CCAR2: variants seen among roughly 807,000 people sequenced by gnomAD.
CCAR2 encodes cell cycle and apoptosis regulator 2.
Under a neutral mutation model 108.1 loss-of-function variants are expected in CCAR2, and 21 were observed. The observed-to-expected ratio is 0.19, with a 90% CI of 0.14 to 0.28. CCAR2 has a LOEUF of 0.28. Ranked by LOEUF, CCAR2 falls within the 10% of genes least tolerant of loss-of-function variation. CCAR2 has a pLI of 1.00. For synonymous variants in CCAR2, 577 were observed against 472.8 expected (o/e 1.22, Z -2.86); for missense variants, 1,126 against 1,177.0 (o/e 0.96, Z 0.63).
At chr8:22,606,583 T>C (rs1801088929) in intron 3 of CCAR2, 24 bp from the exon 4 acceptor site, 1 of 1,598,022 alleles carries the variant, frequency 6.3e-7, no homozygotes, top group Non-Finnish European at 8.6e-7. Flanking sequence ...CCTTTTACTT[T>C]TCAGCTGTCT....
intron 7 of CCAR2, among the ~76,000 whole-genome samples, chr8:22,611,460 GTA>G (rs570854520): frequency 4.0e-4 from 60 of 150,418 alleles, no homozygotes; most frequent in East Asian, 1.6e-3. Context: ...ATGTGTGTGT[GTA>G]TATATATATG....
intron 7 of CCAR2, among the ~76,000 whole-genome samples, chr8:22,612,252 AC>A (rs1801314347): frequency 7.3e-6 from 1 of 137,296 alleles, no homozygotes; most frequent in Non-Finnish European, 1.6e-5. Context: ...CAGCCTTGTA[AC>A]CGTCTCTTCT....
In CCAR2 at chr8:22,608,451, C is replaced by G. The variant is rs577418523; in HGVS notation, c.584+386C>G. On this transcript the variant is annotated intron_variant, in intron 7 of 20. Coordinates refer to ENST00000308511, the MANE Select transcript of CCAR2 (RefSeq NM_001393997.1). The stretch of plus-strand genomic sequence containing the variant: ...CAACTAGAACACTGCAGTATCTGTT[C>G]TCGTTGTTTAAAACGTTTCTTTATA... Among the ~76,000 whole-genome samples, 7 of 152,328 alleles carry G rather than the reference C, an allele frequency of 4.6e-5. No homozygotes were observed. In the East Asian group the frequency reaches 1.3e-3, roughly 29 times the overall value.
Position 22,606,681 on chromosome 8 carries a change from G to A in CCAR2, c.225G>A (p.Glu75=), listed in dbSNP as rs1801092675. Residue 75 remains glutamate (E), a synonymous_variant, in exon 4 of 21, where the codon GAG becomes GAA. Transcript: ENST00000308511. The part of the protein sequence containing the change: ...LHDYFGVVDE[E]VFFQLSVVKG... ...ACTACTTTGGGGTTGTGGATGAAGA[G>A]GTCTTTTTTCAGCTAAGGTAGGCTT... is the stretch of plus-strand genomic sequence containing the variant. The A allele has an allele frequency of 6.2e-7, 1 of 1,614,088 alleles. No individual in the cohort carries two copies. Among genetic ancestry groups the A allele is most frequent in the East Asian group, 2.2e-5 (1 of 44,892 alleles).
At chr8:22,617,172 A>G (rs1184867306) in intron 14 of CCAR2, among the ~76,000 whole-genome samples, 2 of 151,906 alleles carry the variant, frequency 1.3e-5, no homozygotes, top group Non-Finnish European at 2.9e-5. Context: ...AATACTATCA[A>G]TCAAATGAAT....
chr8:22,617,766 A>G lies in CCAR2; in HGVS notation c.2061A>G (p.Ser687=). 1 of 1,613,520 alleles carries G rather than the reference A, an allele frequency of 6.2e-7. No homozygotes were observed. Among genetic ancestry groups the G allele is most frequent in the Non-Finnish European group, 8.5e-7 (1 of 1,179,956 alleles). ...ASNQSEMEFS[S]LQDMPKELDP... ...ACCAGTCAGAGATGGAGTTCTCTTC[A>G]CTTCAGGACATGGTGAGGCCTCTTC... is the stretch of plus-strand genomic sequence containing the variant. The change falls in exon 16 of 21, where the codon TCA becomes TCG. Residue 687 remains serine (S), a synonymous_variant. Coordinates refer to ENST00000308511, the MANE Select transcript of CCAR2 (RefSeq NM_001393997.1).
In CCAR2 at chr8:22,617,492, T is replaced by C. The variant is rs201376215; in HGVS notation, c.1918T>C (p.Ser640Pro). ...AGAAGAAAAACCCCGGGGCGAGGCT[T>C]CTGAGGACCTGTGTGAGATGGCCCT... ...EEEEKPRGEASEDLCEMALDP... is the reference protein window; with the variant it reads ...EEEEKPRGEAPEDLCEMALDP... The change falls in exon 15 of 21, where the codon TCT becomes CCT. Residue 640 changes from serine to proline, a missense_variant. This residue lies in a region of CCAR2 where 1,013 missense variants were observed against 993.9 expected (regional missense o/e 1.02). Transcript: ENST00000308511. 2 of 1,606,042 alleles carry C rather than the reference T, an allele frequency of 1.2e-6. No individual in the cohort carries two copies. The highest frequency in any genetic ancestry group is 1.7e-6 in the Non-Finnish European group (2 of 1,176,248).
At chr8:22,607,666 C>T (rs1586947014) in intron 6 of CCAR2, among the ~76,000 whole-genome samples, 2 of 151,720 alleles carry the variant, frequency 1.3e-5, no homozygotes, top group Non-Finnish European at 2.9e-5. Context: ...GCTCTGTCAC[C>T]CAGGCTAGAG....
At chr8:22,607,053 G>A (rs1470520522) in intron 5 of CCAR2, 29 bp downstream of exon 5, 1 of 1,612,008 alleles carries the variant, frequency 6.2e-7, no homozygotes, top group South Asian at 1.1e-5. Flanking sequence ...CATGTGCATT[G>A]GAAAGGGAAG....
intron 7 of CCAR2, among the ~76,000 whole-genome samples, chr8:22,612,254 C>T (rs745555580): frequency 2.6e-5 from 4 of 151,072 alleles, no homozygotes; most frequent in Non-Finnish European, 4.4e-5. Flanking sequence ...GCCTTGTAAC[C>T]GTCTCTTCTA....
At chr8:22,614,743 G>GCTGCCTTCATCCTGATGGGTA in intron 10 of CCAR2, 95 bp from the exon 11 acceptor site, 1 of 873,608 alleles carries the variant, frequency 1.1e-6, no homozygotes, top group Non-Finnish European at 1.6e-6. Context: ...CCCCACTTCC[G>GCTGCCTTCATCCTGATGGGTA]GCTGCCTTCA....
chr8:22,616,995 C>T (rs1008444321), intron 14 of CCAR2, among the ~76,000 whole-genome samples: 1 of 106,086 alleles, frequency 9.4e-6, no homozygotes, highest in Admixed American at 1.1e-4. Flanking sequence ...GATTCTCCTG[C>T]CTCAGCCTCT....
intron 10 of CCAR2, 139 bp downstream of exon 10, chr8:22,614,642 A>T (rs1251527048): frequency 1.9e-6 from 2 of 1,035,144 alleles, no homozygotes; most frequent in Non-Finnish European, 2.9e-6. Context: ...ACCCAGGAGG[A>T]AGGTGCAGCT....
At chr8:22,609,451 C>G (rs922683127) in intron 7 of CCAR2, among the ~76,000 whole-genome samples, 1 of 152,146 alleles carries the variant, frequency 6.6e-6, no homozygotes, top group East Asian at 1.9e-4. Flanking sequence ...CACGCCCGGC[C>G]CATTGTGAAT....
downstream of CCAR2, chr8:22,621,193 C>G: frequency 1.8e-6 from 1 of 568,370 alleles, no homozygotes; most frequent in Non-Finnish European, 3.1e-6. Flanking sequence ...ATAAAAAAGC[C>G]CCAAGGGTTT....
chr8:22,621,070 C>CGTAT, downstream of CCAR2: 1 of 214,192 alleles, frequency 4.7e-6, no homozygotes, highest in East Asian at 1.2e-4. Flanking sequence ...GATTTGATGC[C>CGTAT]CACAACGCAT....
intron 4 of CCAR2, 44 bp downstream of exon 4, chr8:22,606,742 C>G: frequency 1.3e-6 from 2 of 1,533,878 alleles, no homozygotes; most frequent in Non-Finnish European, 1.8e-6. Context: ...TTATTGGATT[C>G]AGTTCTGTCA....
intron 7 of CCAR2, among the ~76,000 whole-genome samples, chr8:22,609,768 G>A (rs576436170): frequency 6.6e-6 from 1 of 152,206 alleles, no homozygotes; most frequent in East Asian, 1.9e-4. Context: ...TCTGCTTTAC[G>A]GTTAATTTCA....
chr8:22,620,680 C>T (rs914196029), downstream of CCAR2: 1 of 152,216 alleles, frequency 6.6e-6, no homozygotes, highest in African/African-American at 2.4e-5. Context: ...GGGGTTTCCT[C>T]TGCTCGCCTA....
Sources: gnomAD v4.1 joint callset for allele counts (sites outside exome capture counted in the v4.1 genomes callset) on GRCh38, gnomAD v4.1.1 for gene constraint, gnomAD v4.1.1 regional missense constraint, MANE v1.5 for transcripts, NCBI Gene and HGNC (gene_info 2026-07-23, HGNC 2026-07-21) for gene names.